Variants in SCHIP1 observed in about 807,000 individuals in gnomAD.
The protein encoded by SCHIP1 is schwannomin-interacting protein 1.
SCHIP1 carries 8 observed loss-of-function variants against 29.7 expected under a neutral mutation model. The ratio of observed to expected loss-of-function variants is 0.27; its 90% CI spans 0.16 to 0.49. SCHIP1 has a LOEUF of 0.49. Among genes scored for constraint, SCHIP1 ranks in the 20% least tolerant of loss-of-function variants. The probability of loss-of-function intolerance (pLI) is 0.99; values close to 1 mark genes in which losing one functional copy is unlikely to be tolerated. For synonymous variants in SCHIP1, 76 were observed against 94.9 expected (o/e 0.80, Z 1.16); for missense variants, 193 against 294.6 (o/e 0.66, Z 2.52).
At chr3:159,442,185 A>G in the SCHIP1 span, among the ~76,000 whole-genome samples, 1 of 152,166 alleles carries the variant, frequency 6.6e-6, no homozygotes, top group Admixed American at 6.5e-5. Context: ...CATGTATGCA[A>G]AAGAAACAGA....
chr3:159,654,075 TTTTTC>T, the SCHIP1 span, among the ~76,000 whole-genome samples: 1 of 152,202 alleles, frequency 6.6e-6, no homozygotes, highest in African/African-American at 2.4e-5. Context: ...AATACAGATT[TTTTTC>T]TTTTAATTGC....
the SCHIP1 span, among the ~76,000 whole-genome samples, chr3:159,583,067 G>T: frequency 1.3e-5 from 2 of 152,054 alleles, no homozygotes; most frequent in Non-Finnish European, 2.9e-5. Context: ...CTGAAAAAAT[G>T]ATGTAAATTT....
chr3:159,820,940 A>G, the SCHIP1 span, among the ~76,000 whole-genome samples: 4 of 152,238 alleles, frequency 2.6e-5, no homozygotes, highest in South Asian at 6.2e-4. Context: ...CCAGTACAAC[A>G]GCCACTAGAC....
At chr3:159,360,344 G>A in the SCHIP1 span, among the ~76,000 whole-genome samples, 54 of 152,094 alleles carry the variant, frequency 3.6e-4, no homozygotes, top group African/African-American at 1.3e-3. Flanking sequence ...TATTTAACAT[G>A]TGCATAGATT....
chr3:159,295,026 G>T, the SCHIP1 span, among the ~76,000 whole-genome samples: 1 of 151,958 alleles, frequency 6.6e-6, no homozygotes, highest in South Asian at 2.1e-4. Context: ...TTTAGACTTT[G>T]CAGATAGAAA....
chr3:159,339,391 C>G, the SCHIP1 span, among the ~76,000 whole-genome samples: 2 of 152,096 alleles, frequency 1.3e-5, no homozygotes, highest in East Asian at 3.9e-4. Flanking sequence ...GCTGTTAGTC[C>G]CTGTCAGCAG....
the SCHIP1 span, among the ~76,000 whole-genome samples, chr3:159,396,056 T>C: frequency 6.0e-4 from 90 of 149,940 alleles, 2 homozygotes; most frequent in Middle Eastern, 6.8e-3. Flanking sequence ...GTTGAATTGA[T>C]CCCTTTACCA....
the SCHIP1 span, among the ~76,000 whole-genome samples, chr3:159,289,926 T>TA: frequency 1.3e-5 from 2 of 152,198 alleles, no homozygotes; most frequent in Non-Finnish European, 2.9e-5. Flanking sequence ...TGGTCTTTTT[T>TA]ATACTCCACT....
the SCHIP1 span, among the ~76,000 whole-genome samples, chr3:159,725,043 AC>A: frequency 1.3e-5 from 2 of 152,192 alleles, no homozygotes; most frequent in African/African-American, 4.8e-5. Context: ...AGTATAAGCT[AC>A]CTAACTGTAA....
chr3:159,818,903 G>A, the SCHIP1 span, among the ~76,000 whole-genome samples: 2 of 152,156 alleles, frequency 1.3e-5, no homozygotes, highest in Non-Finnish European at 2.9e-5. Flanking sequence ...TCTTAGTTGT[G>A]TATTGCTGTA....
chr3:159,720,016 T>C, the SCHIP1 span, among the ~76,000 whole-genome samples: 2 of 151,914 alleles, frequency 1.3e-5, no homozygotes, highest in Admixed American at 6.6e-5. Context: ...ATTAAGAAAA[T>C]GTGGCACATA....
At chr3:159,490,428 A>G in the SCHIP1 span, among the ~76,000 whole-genome samples, 2 of 152,216 alleles carry the variant, frequency 1.3e-5, no homozygotes, top group Non-Finnish European at 2.9e-5. Flanking sequence ...TTGATGTACA[A>G]AGAAGAAAGG....
the SCHIP1 span, among the ~76,000 whole-genome samples, chr3:159,490,081 T>G: frequency 6.6e-6 from 1 of 152,168 alleles, no homozygotes. Context: ...CTGAGTAATT[T>G]TTGTTTTTGA....
chr3:159,430,675 C>T, the SCHIP1 span, among the ~76,000 whole-genome samples: 2 of 152,006 alleles, frequency 1.3e-5, no homozygotes, highest in African/African-American at 4.8e-5. Flanking sequence ...GTGAAAGCCC[C>T]ATGTGAGAAA....
chr3:159,638,736 G>A, the SCHIP1 span, among the ~76,000 whole-genome samples: 1 of 151,576 alleles, frequency 6.6e-6, no homozygotes, highest in African/African-American at 2.4e-5. Flanking sequence ...GTGGTCCCAG[G>A]GTTTTTTGAT....
the SCHIP1 span, among the ~76,000 whole-genome samples, chr3:159,574,506 C>T: frequency 6.6e-6 from 1 of 152,180 alleles, no homozygotes; most frequent in African/African-American, 2.4e-5. Context: ...GGGGAACTGC[C>T]TATATGAGTT....
At chr3:159,474,787 G>A in the SCHIP1 span, among the ~76,000 whole-genome samples, 4 of 152,078 alleles carry the variant, frequency 2.6e-5, no homozygotes, top group African/African-American at 9.7e-5. Context: ...GGCTCTTGAG[G>A]AACCACTAGT....
At chr3:159,368,454 G>A in the SCHIP1 span, among the ~76,000 whole-genome samples, 1 of 152,176 alleles carries the variant, frequency 6.6e-6, no homozygotes, top group South Asian at 2.1e-4. Flanking sequence ...TTTAGCACTG[G>A]CCTAGCAGTC....
the SCHIP1 span, among the ~76,000 whole-genome samples, chr3:159,489,673 G>A: frequency 2.0e-5 from 3 of 152,040 alleles, no homozygotes; most frequent in African/African-American, 7.2e-5. Context: ...GGGGGAAAAT[G>A]CATGTGTTTA....
Sources: allele counts gnomAD v4.1 joint callset (sites outside exome capture counted in the v4.1 genomes callset), GRCh38; gene constraint gnomAD v4.1.1; transcripts MANE v1.5; gene names NCBI Gene and HGNC (gene_info 2026-07-23, HGNC 2026-07-21).